Variants in TRAPPC9 observed in about 807,000 individuals in gnomAD.
The protein encoded by TRAPPC9 is trafficking protein particle complex subunit 9, also known as IKK2 binding protein.
Under a neutral mutation model 124.0 loss-of-function variants are expected in TRAPPC9, and 83 were observed. The observed-to-expected ratio is 0.67, with a 90% CI of 0.56 to 0.80. The LOEUF is 0.80. Among genes scored for constraint, TRAPPC9 ranks in the 30% least tolerant of loss-of-function variants. The pLI is 0.00. For missense variants in TRAPPC9, 1,302 were observed against 1,508.3 expected, an observed-to-expected ratio of 0.86 and a Z score of 2.27; for synonymous variants, 638 against 617.5, an observed-to-expected ratio of 1.03 and a Z score of -0.49.
chr8:140,232,845 G>C (rs1045828121), intron 16 of TRAPPC9, among the ~76,000 whole-genome samples: 5 of 152,218 alleles, frequency 3.3e-5, no homozygotes, highest in Non-Finnish European at 5.9e-5. Context: ...CCAGAACACT[G>C]TCAGTTTGAG....
chr8:140,144,684 A>G (rs1179761782), intron 17 of TRAPPC9, among the ~76,000 whole-genome samples: 2 of 152,028 alleles, frequency 1.3e-5, no homozygotes, highest in African/African-American at 2.4e-5. Flanking sequence ...ACGGGGTTTC[A>G]CCATGTTGGT....
intron 17 of TRAPPC9, among the ~76,000 whole-genome samples, chr8:140,068,028 C>T (rs945493271): frequency 1.3e-4 from 20 of 152,144 alleles, no homozygotes; most frequent in African/African-American, 4.1e-4. Context: ...TTTTGTTGCC[C>T]GTATTGCTTC....
At chr8:139,804,353 A>C (rs1450033502) in intron 21 of TRAPPC9, among the ~76,000 whole-genome samples, 1 of 94,628 alleles carries the variant, frequency 1.1e-5, no homozygotes, top group Non-Finnish European at 2.2e-5. Flanking sequence ...ACCGCCACCA[A>C]GCACCACCAC....
chr8:139,983,154 T>C (rs1206914605), intron 19 of TRAPPC9, among the ~76,000 whole-genome samples: 2 of 152,186 alleles, frequency 1.3e-5, no homozygotes, highest in African/African-American at 4.8e-5. Context: ...CCTCCCACCA[T>C]GTGAGGACAC....
intron 19 of TRAPPC9, among the ~76,000 whole-genome samples, chr8:139,948,377 C>T (rs1045305929): frequency 5.3e-5 from 8 of 152,168 alleles, no homozygotes; most frequent in South Asian, 2.1e-4. Context: ...GCCAATATAA[C>T]GGCTTCGCCT....
At chr8:140,289,505 T>G (rs1163647262) in intron 12 of TRAPPC9, among the ~76,000 whole-genome samples, 1 of 152,198 alleles carries the variant, frequency 6.6e-6, no homozygotes, top group Admixed American at 6.5e-5. Context: ...GTGTGTACTA[T>G]TCCCTGTAAC....
At chr8:140,313,099 T>C (rs760907350) in intron 9 of TRAPPC9, among the ~76,000 whole-genome samples, 4 of 152,194 alleles carry the variant, frequency 2.6e-5, no homozygotes, top group Admixed American at 6.5e-5. Context: ...AGCAGAAAAG[T>C]GACCAGAATT....
chr8:140,161,014 T>C (rs1278395551), intron 17 of TRAPPC9, among the ~76,000 whole-genome samples: 2 of 152,080 alleles, frequency 1.3e-5, no homozygotes, highest in African/African-American at 4.8e-5. Flanking sequence ...TTTTATCCGT[T>C]TTACAGATGA....
intron 2 of TRAPPC9, among the ~76,000 whole-genome samples, chr8:140,442,701 T>G (rs183897217): frequency 1.3e-5 from 2 of 152,162 alleles, no homozygotes; most frequent in South Asian, 4.1e-4. Context: ...AAAAAACAAT[T>G]TATCTGGCAA....
chr8:140,072,123 T>C (rs1394584842), intron 17 of TRAPPC9, among the ~76,000 whole-genome samples: 1 of 152,222 alleles, frequency 6.6e-6, no homozygotes, highest in Non-Finnish European at 1.5e-5. Context: ...TTGTTCTGTA[T>C]CTTTATTTTG....
chr8:139,814,462 G>A (rs563375779), intron 21 of TRAPPC9, among the ~76,000 whole-genome samples: 1 of 152,312 alleles, frequency 6.6e-6, no homozygotes, highest in Admixed American at 6.5e-5. Context: ...CCCAGGAAAA[G>A]GACCCCGGGG....
intron 19 of TRAPPC9, among the ~76,000 whole-genome samples, chr8:139,986,264 AC>A: frequency 6.6e-6 from 1 of 152,118 alleles, no homozygotes; most frequent in African/African-American, 2.4e-5. Flanking sequence ...AAACCAAAAA[AC>A]AAAAAAACTG....
chr8:139,855,744 G>A (rs1307595593), intron 21 of TRAPPC9, among the ~76,000 whole-genome samples: 1 of 152,238 alleles, frequency 6.6e-6, no homozygotes, highest in Non-Finnish European at 1.5e-5. Context: ...CCTGTCTTCT[G>A]CCGCAAGCCC....
intron 17 of TRAPPC9, among the ~76,000 whole-genome samples, chr8:140,078,429 C>T (rs980833843): frequency 1.3e-5 from 2 of 152,130 alleles, no homozygotes; most frequent in African/African-American, 4.8e-5. Flanking sequence ...GGTGGAGTGG[C>T]AACTGCACTG....
At chr8:139,832,916 A>C (rs1826085025) in intron 21 of TRAPPC9, among the ~76,000 whole-genome samples, 3 of 152,158 alleles carry the variant, frequency 2.0e-5, no homozygotes, top group Admixed American at 2.0e-4. Flanking sequence ...GAGTGGGCCT[A>C]ATCTAACAGG....
At chr8:139,938,249 G>A (rs1186334825) in intron 19 of TRAPPC9, among the ~76,000 whole-genome samples, 1 of 152,166 alleles carries the variant, frequency 6.6e-6, no homozygotes, top group Non-Finnish European at 1.5e-5. Context: ...AAATCAGATA[G>A]AAAACCACAC....
intron 7 of TRAPPC9, among the ~76,000 whole-genome samples, chr8:140,386,890 G>A (rs2068768537): frequency 6.6e-6 from 1 of 152,188 alleles, no homozygotes. Flanking sequence ...CAAAGCTGGA[G>A]GCATCACGCT....
At chr8:139,980,844 G>T (rs986102201) in intron 19 of TRAPPC9, among the ~76,000 whole-genome samples, 1 of 152,126 alleles carries the variant, frequency 6.6e-6, no homozygotes, top group East Asian at 1.9e-4. Flanking sequence ...CACCTTCCAC[G>T]CGCTAGGAAA....
At chr8:140,428,816 G>C (rs1441574816) in intron 4 of TRAPPC9, among the ~76,000 whole-genome samples, 2 of 152,136 alleles carry the variant, frequency 1.3e-5, no homozygotes, top group East Asian at 1.9e-4. Flanking sequence ...ATGGACTAAA[G>C]TTCTGTTACA....
Sources: gnomAD v4.1 joint callset for allele counts (sites outside exome capture counted in the v4.1 genomes callset) on GRCh38, gnomAD v4.1.1 for gene constraint, MANE v1.5 for transcripts, NCBI Gene and HGNC (gene_info 2026-07-23, HGNC 2026-07-21) for gene names.